The following MAN1A2 variants were observed in gnomAD, a reference collection of about 807,000 sequenced individuals.
The protein encoded by MAN1A2 is mannosidase alpha class 1A member 2.
Under a neutral mutation model 75.7 loss-of-function variants are expected in MAN1A2, and 26 were observed. That is an observed-to-expected ratio of 0.34 (90% confidence interval 0.25 to 0.48). The LOEUF is 0.48. Ranked by LOEUF, MAN1A2 falls within the 20% of genes least tolerant of loss-of-function variation. The pLI is 0.99. For synonymous variants in MAN1A2, 247 were observed against 264.6 expected (o/e 0.93, Z 0.65); for missense variants, 562 against 775.5 (o/e 0.72, Z 3.27).
chr1:117,386,139 C>T (rs188112208), intron 1 of MAN1A2, among the ~76,000 whole-genome samples: 1 of 152,116 alleles, frequency 6.6e-6, no homozygotes, highest in East Asian at 1.9e-4. Context: ...TAATTAATTC[C>T]TGAATGTTTT....
chr1:117,511,457 G>A (rs1651531550), intron 12 of MAN1A2, among the ~76,000 whole-genome samples: 1 of 151,964 alleles, frequency 6.6e-6, no homozygotes, highest in Admixed American at 6.6e-5. Flanking sequence ...CTACAGGTAT[G>A]AGTCATCATG....
intron 8 of MAN1A2, among the ~76,000 whole-genome samples, chr1:117,488,694 A>G (rs1398483883): frequency 6.6e-6 from 1 of 152,082 alleles, no homozygotes; most frequent in Middle Eastern, 3.2e-3. Context: ...TCAAAATTAT[A>G]CACTTAGCAT....
intron 1 of MAN1A2, among the ~76,000 whole-genome samples, chr1:117,396,102 T>G (rs544023355): frequency 3.9e-5 from 6 of 152,352 alleles, no homozygotes; most frequent in African/African-American, 1.4e-4. Flanking sequence ...TAGGCATCAT[T>G]GATTGATTAC....
chr1:117,437,070 A>G (rs1648873638), intron 5 of MAN1A2, among the ~76,000 whole-genome samples: 1 of 152,320 alleles, frequency 6.6e-6, no homozygotes, highest in East Asian at 1.9e-4. Context: ...AGGAACAGCC[A>G]TCTAGCCTTT....
At position 117,402,449 on chromosome 1, in the gene MAN1A2, G is replaced by A; in HGVS notation, c.558+8G>A. The A allele has an allele frequency of 6.3e-7, 1 of 1,585,174 alleles. No individual in the cohort carries two copies. Among genetic ancestry groups the A allele is most frequent in the Non-Finnish European group, 8.5e-7 (1 of 1,170,394 alleles). On this transcript the variant is annotated splice_region_variant and intron_variant, in intron 2 of 12. Coordinates refer to ENST00000356554, the MANE Select transcript of MAN1A2 (RefSeq NM_006699.5). The stretch of plus-strand genomic sequence containing the variant: ...AGGGAAAAAATTAAAGAGGTAATAA[G>A]CTGAGTTTTGTGATATGGAGTGTTT...
At chr1:117,440,827 A>T (rs1413162255) in intron 5 of MAN1A2, among the ~76,000 whole-genome samples, 1 of 152,156 alleles carries the variant, frequency 6.6e-6, no homozygotes, top group Non-Finnish European at 1.5e-5. Context: ...TAGTTTCTAG[A>T]TAAGAAAGTT....
At position 117,368,040 on chromosome 1, in the gene MAN1A2, C is replaced by T; in HGVS notation, c.-144C>T. 1.4e-6 allele frequency: 1 copy of T among 718,700 alleles called. No individual in the cohort carries two copies. Among genetic ancestry groups the T allele is most frequent in the Non-Finnish European group, 2.3e-6 (1 of 435,892 alleles). The allele number at this position is 718,700 out of a possible 1,614,324, so 44.5% of individuals were successfully genotyped here. On this transcript the variant is annotated 5_prime_UTR_variant, in exon 1 of 13. Transcript: ENST00000356554. ...GGAATGGATGGGCGTGAATGACGTG[C>T]CCTCTTAAAAAGCACAACAGTCCTT... is the stretch of plus-strand genomic sequence containing the variant.
intron 8 of MAN1A2, among the ~76,000 whole-genome samples, chr1:117,479,716 GTTTGATCAATTGATCAGT>G (rs1191089182): frequency 2.0e-5 from 3 of 151,800 alleles, no homozygotes; most frequent in African/African-American, 7.3e-5. Context: ...CTTTGGATCA[GTTTGATCAATTGATCAGT>G]TTGGGATTGA....
chr1:117,435,685 A>G (rs1289426603), intron 5 of MAN1A2, among the ~76,000 whole-genome samples: 3 of 152,244 alleles, frequency 2.0e-5, no homozygotes, highest in Non-Finnish European at 4.4e-5. Flanking sequence ...GGTTCAAGAT[A>G]GAGGAACTGT....
At chr1:117,493,024 GT>G in intron 8 of MAN1A2, 122 bp from the exon 9 acceptor site, 1 of 604,258 alleles carries the variant, frequency 1.7e-6, no homozygotes, top group East Asian at 2.8e-5. Flanking sequence ...TGGAAATAGG[GT>G]TGTCAATGTA....
At chr1:117,403,862 G>A (rs1046581640) in intron 2 of MAN1A2, among the ~76,000 whole-genome samples, 2 of 152,140 alleles carry the variant, frequency 1.3e-5, no homozygotes, top group Non-Finnish European at 2.9e-5. Flanking sequence ...TAGGGGTTAA[G>A]CATCCAGTCT....
At chr1:117,390,967 G>A (rs1027513682) in intron 1 of MAN1A2, among the ~76,000 whole-genome samples, 3 of 151,986 alleles carry the variant, frequency 2.0e-5, no homozygotes, top group Non-Finnish European at 4.4e-5. Context: ...CAATTCAGTG[G>A]TTTATTCAGA....
chr1:117,461,455 G>GT, intron 7 of MAN1A2, among the ~76,000 whole-genome samples: 3 of 152,246 alleles, frequency 2.0e-5, no homozygotes, highest in Admixed American at 2.0e-4. Flanking sequence ...CAAAAGTACA[G>GT]TTACATAGAA....
At position 117,406,521 on chromosome 1, in the gene MAN1A2, A is replaced by G. The variant is rs534917927; in HGVS notation, c.655+876A>G. ...TTTTTCTAATGCTGTGAGTTTTCTT[A>G]TAATTTGTTCATTGTTGCTTGCTTT... On this transcript the variant is annotated intron_variant, in intron 3 of 12. Coordinates refer to ENST00000356554, the MANE Select transcript of MAN1A2 (RefSeq NM_006699.5). 2.4e-4 allele frequency among the ~76,000 whole-genome samples: 36 copies of G among 152,262 alleles called. 1 individual carries two copies. The South Asian group carries it at 5.4e-3, about 23-fold the overall frequency.
intron 1 of MAN1A2, among the ~76,000 whole-genome samples, chr1:117,386,585 C>T (rs1653531037): frequency 6.6e-6 from 1 of 152,184 alleles, no homozygotes; most frequent in South Asian, 2.1e-4. Flanking sequence ...CTTTGCTTCA[C>T]TGTCTGCACC....
intron 12 of MAN1A2, among the ~76,000 whole-genome samples, chr1:117,506,697 C>A (rs543665803): frequency 5.3e-5 from 8 of 151,470 alleles, no homozygotes; most frequent in Admixed American, 2.0e-4. Context: ...GTTTGCTTAA[C>A]CTGAAAAACA....
At chr1:117,398,464 A>G (rs1647291027) in intron 1 of MAN1A2, among the ~76,000 whole-genome samples, 1 of 152,158 alleles carries the variant, frequency 6.6e-6, no homozygotes, top group Admixed American at 6.5e-5. Context: ...GCCTGAGCTC[A>G]GGAGTTCATG....
rs1389048888 is a variant in MAN1A2 at position 117,485,735 on chromosome 1, T to TA, written c.1169-7406dup. ...AGAATAACTATACAGCCCTCTTTTT[T>TA]AAAAAATCACATGATTTCATTGAGG... On this transcript the variant is annotated intron_variant, in intron 8 of 12. Coordinates refer to ENST00000356554, the MANE Select transcript of MAN1A2 (RefSeq NM_006699.5). Among the ~76,000 whole-genome samples the TA allele has an allele frequency of 5.3e-5, 8 of 152,106 alleles. No individual in the cohort carries two copies. In the South Asian group the frequency reaches 8.3e-4, roughly 16 times the overall value.
At position 117,525,092 on chromosome 1, in the gene MAN1A2, C is replaced by T. The variant is rs1475558517; in HGVS notation, c.*2135C>T. 1 of 527,386 alleles carries T rather than the reference C, an allele frequency of 1.9e-6. No individual in the cohort carries two copies. Among genetic ancestry groups the T allele is most frequent in the Non-Finnish European group, 3.9e-6 (1 of 257,446 alleles). The allele number at this position is 527,386 out of a possible 1,614,324, so 32.7% of individuals were successfully genotyped here. A position where few individuals can be genotyped will look rare whatever the true frequency, so the allele number is the denominator to read the frequency against. On this transcript the variant is annotated 3_prime_UTR_variant, in exon 13 of 13. Coordinates refer to ENST00000356554, the MANE Select transcript of MAN1A2 (RefSeq NM_006699.5). ...AGGGACCTTCTTGGTTCTGCAGGAA[C>T]TTCTCAAGGGATGAGGAGACAGAAC...
Sources: allele counts gnomAD v4.1 joint callset (sites outside exome capture counted in the v4.1 genomes callset), GRCh38; gene constraint gnomAD v4.1.1; transcripts MANE v1.5; gene names NCBI Gene and HGNC (gene_info 2026-07-23, HGNC 2026-07-21).